Variants in ENTHD1 observed in about 807,000 individuals in gnomAD.
The protein encoded by ENTHD1 is ENTH domain-containing protein 1.
ENTHD1 carries 23 observed loss-of-function variants against 39.1 expected under a neutral mutation model. That is an observed-to-expected ratio of 0.59 (90% confidence interval 0.42 to 0.83). The LOEUF (loss-of-function observed/expected upper bound fraction) is 0.83, where lower values mean the gene tolerates loss of function less well. Ranked by LOEUF, ENTHD1 falls within the 40% of genes least tolerant of loss-of-function variation. The probability of loss-of-function intolerance (pLI) is 0.00; values close to 1 mark genes in which losing one functional copy is unlikely to be tolerated. For missense variants in ENTHD1, 624 were observed against 705.4 expected (o/e 0.88, Z 1.31); for synonymous variants, 230 against 258.2 (o/e 0.89, Z 1.05).
rs555901548 is a variant in ENTHD1 at position 39,811,199 on chromosome 22, A to G, written c.832+9794T>C. ...ATGTTATTGCATCTTGAAATGCCCAACATAAGGAAAGAAACATGATAATCA... is the reference window on the plus strand; with the variant it reads ...ATGTTATTGCATCTTGAAATGCCCAGCATAAGGAAAGAAACATGATAATCA... On this transcript the variant is annotated intron_variant, in intron 5 of 6. Transcript: ENST00000325157. Among the ~76,000 whole-genome samples, 7 of 152,372 alleles carry G rather than the reference A, an allele frequency of 4.6e-5. No individual in the cohort carries two copies. In the East Asian group the frequency reaches 1.2e-3, roughly 25 times the overall value.
At chr22:39,828,089 A>G (rs2065839950) in intron 4 of ENTHD1, among the ~76,000 whole-genome samples, 1 of 152,250 alleles carries the variant, frequency 6.6e-6, no homozygotes, top group African/African-American at 2.4e-5. Flanking sequence ...TATATTGTTC[A>G]GTTCAAAGTG....
chr22:39,747,491 A>G (rs1049186687), intron 6 of ENTHD1, among the ~76,000 whole-genome samples: 1 of 152,188 alleles, frequency 6.6e-6, no homozygotes, highest in Admixed American at 6.5e-5. Flanking sequence ...ATACTTCTAC[A>G]CAATTCTATT....
At chr22:39,880,006 T>A (rs2066325043) in intron 2 of ENTHD1, among the ~76,000 whole-genome samples, 1 of 152,194 alleles carries the variant, frequency 6.6e-6, no homozygotes, top group Non-Finnish European at 1.5e-5. Context: ...GACAGGAGGA[T>A]TGCTTGAGGC....
intron 4 of ENTHD1, among the ~76,000 whole-genome samples, chr22:39,832,531 G>A (rs1198811585): frequency 6.6e-6 from 1 of 152,172 alleles, no homozygotes; most frequent in African/African-American, 2.4e-5. Context: ...CAAGGAGATG[G>A]AGGAAAAGTA....
At chr22:39,823,352 T>C (rs1163279219) in intron 4 of ENTHD1, among the ~76,000 whole-genome samples, 1 of 151,990 alleles carries the variant, frequency 6.6e-6, no homozygotes, top group Non-Finnish European at 1.5e-5. Flanking sequence ...ATACATTTTC[T>C]TTTTCTTTTT....
chr22:39,828,497 G>C (rs1298169611), intron 4 of ENTHD1, among the ~76,000 whole-genome samples: 2 of 152,120 alleles, frequency 1.3e-5, no homozygotes, highest in Admixed American at 1.3e-4. Context: ...TAAACCAAAA[G>C]ATAAAAATGT....
intron 5 of ENTHD1, among the ~76,000 whole-genome samples, chr22:39,779,901 T>C (rs979366710): frequency 1.1e-4 from 17 of 152,230 alleles, no homozygotes; most frequent in African/African-American, 3.6e-4. Flanking sequence ...GGGTTTTTTT[T>C]GGTAAGCCTT....
At chr22:39,851,615 T>G (rs1487944053) in intron 3 of ENTHD1, among the ~76,000 whole-genome samples, 4 of 152,210 alleles carry the variant, frequency 2.6e-5, no homozygotes. Flanking sequence ...TCAGTCCCCT[T>G]GAGGGTCTGG....
intron 5 of ENTHD1, among the ~76,000 whole-genome samples, chr22:39,807,426 C>G (rs913359786): frequency 6.6e-6 from 1 of 152,136 alleles, no homozygotes; most frequent in African/African-American, 2.4e-5. Flanking sequence ...CATATGGCCA[C>G]CTCTTCTACA....
chr22:39,758,801 A>C (rs2065207077), intron 6 of ENTHD1, among the ~76,000 whole-genome samples: 2 of 152,122 alleles, frequency 1.3e-5, no homozygotes, highest in African/African-American at 4.8e-5. Context: ...AGTTTGCTTA[A>C]ATTTTTTAAA....
chr22:39,763,084 T>C (rs1253803574), intron 6 of ENTHD1, among the ~76,000 whole-genome samples: 2 of 152,152 alleles, frequency 1.3e-5, no homozygotes, highest in Non-Finnish European at 2.9e-5. Flanking sequence ...TTATTAATAG[T>C]ATTTGTGAGG....
intron 2 of ENTHD1, among the ~76,000 whole-genome samples, chr22:39,863,178 C>G (rs1045879610): frequency 3.3e-5 from 5 of 152,144 alleles, no homozygotes; most frequent in African/African-American, 1.2e-4. Context: ...GCAGCACAAG[C>G]AGACTAAGAC....
At chr22:39,766,223 G>A (rs182170410) in intron 5 of ENTHD1, among the ~76,000 whole-genome samples, 1 of 152,224 alleles carries the variant, frequency 6.6e-6, no homozygotes, top group Admixed American at 6.5e-5. Flanking sequence ...CTGACAATTA[G>A]TAAAATATAA....
chr22:39,829,747 T>C (rs2065853363), intron 4 of ENTHD1, among the ~76,000 whole-genome samples: 1 of 151,838 alleles, frequency 6.6e-6, no homozygotes, highest in Admixed American at 6.6e-5. Context: ...GCCGAGATCA[T>C]GCCAGTGCAC....
intron 4 of ENTHD1, among the ~76,000 whole-genome samples, chr22:39,824,298 C>T (rs1432607890): frequency 6.6e-6 from 1 of 150,878 alleles, no homozygotes; most frequent in Non-Finnish European, 1.5e-5. Flanking sequence ...CAACCTCCGC[C>T]TCCAGGGTTC....
chr22:39,746,610 A>C (rs1279576213), intron 6 of ENTHD1, among the ~76,000 whole-genome samples: 2 of 152,210 alleles, frequency 1.3e-5, no homozygotes, highest in African/African-American at 4.8e-5. Context: ...GCTTCAGTGA[A>C]TAGTCATTTG....
intron 3 of ENTHD1, among the ~76,000 whole-genome samples, chr22:39,845,787 T>C (rs2065982479): frequency 6.6e-6 from 1 of 152,212 alleles, no homozygotes. Flanking sequence ...GCTACTCTTT[T>C]CTCATTGATC....
At position 39,867,411 on chromosome 22, in the gene ENTHD1, T is replaced by C. The variant is rs2066192748; in HGVS notation, c.350-5404A>G. 6.6e-6 allele frequency among the ~76,000 whole-genome samples: 1 copy of C among 151,842 alleles called. No homozygotes were observed. Among genetic ancestry groups the C allele is most frequent in the Non-Finnish European group, 1.5e-5 (1 of 67,980 alleles). On this transcript the variant is annotated intron_variant, in intron 2 of 6. Transcript: ENST00000325157. This position sits in a 1 kb window ranked among gnomAD's most constrained non-coding sequence, Gnocchi z 4.5. ...GACCTACTGCCCTACCAAAATCTAC[T>C]CTTCTTCCCATATTCCTTTCTCGGT...
intron 5 of ENTHD1, among the ~76,000 whole-genome samples, chr22:39,798,294 G>C (rs968707191): frequency 6.6e-6 from 1 of 151,766 alleles, no homozygotes; most frequent in Non-Finnish European, 1.5e-5. Flanking sequence ...TTTTGGTTTT[G>C]TTCTTTATAA....
Sources: allele counts gnomAD v4.1 joint callset (sites outside exome capture counted in the v4.1 genomes callset), GRCh38; gene constraint gnomAD v4.1.1; non-coding constraint Gnocchi (gnomAD v3.1); transcripts MANE v1.5; gene names NCBI Gene and HGNC (gene_info 2026-07-23, HGNC 2026-07-21).